The following CRB1 variants were observed in gnomAD, a reference collection of about 807,000 sequenced individuals.
The protein encoded by CRB1 is crumbs cell polarity complex component 1.
A neutral mutation model predicts 120.0 loss-of-function variants in CRB1; 83 were observed. The observed-to-expected ratio is 0.69, with a 90% CI of 0.58 to 0.83. CRB1 has a LOEUF of 0.83. Ranked by LOEUF, CRB1 falls within the 40% of genes least tolerant of loss-of-function variation. The probability of loss-of-function intolerance (pLI) is 0.00; values close to 1 mark genes in which losing one functional copy is unlikely to be tolerated. For synonymous variants in CRB1, 625 were observed against 612.5 expected (o/e 1.02, Z -0.30); for missense variants, 1,699 against 1,687.6 (o/e 1.01, Z -0.12).
At chr1:197,439,415 G>C (rs1333349040) in intron 10 of CRB1, 3 of 152,150 alleles carry the variant, frequency 2.0e-5, no homozygotes, top group African/African-American at 7.2e-5. Flanking sequence ...AATTCTTATA[G>C]CTCTGTAAAG....
At chr1:197,311,549 C>A (rs1205207158) in intron 1 of CRB1, among the ~76,000 whole-genome samples, 3 of 152,044 alleles carry the variant, frequency 2.0e-5, no homozygotes, top group Admixed American at 2.0e-4. Context: ...GTTGCAACTA[C>A]TTTATTTTTT....
At chr1:197,257,654 A>G in the CRB1 span, among the ~76,000 whole-genome samples, 1 of 152,194 alleles carries the variant, frequency 6.6e-6, no homozygotes. Context: ...CCACTGTCTG[A>G]ATTCAACCCC....
chr1:197,264,836 G>C (rs1021049205), upstream of CRB1, among the ~76,000 whole-genome samples: 4 of 151,328 alleles, frequency 2.6e-5, no homozygotes, highest in Admixed American at 2.0e-4. Flanking sequence ...TGTTGGCCAG[G>C]ATGGTCTCAA....
intron 5 of CRB1, among the ~76,000 whole-genome samples, chr1:197,397,216 GAT>G (rs992385795): frequency 5.3e-5 from 8 of 152,074 alleles, no homozygotes; most frequent in African/African-American, 1.9e-4. Context: ...AACCACATGA[GAT>G]ATCACTATGC....
chr1:197,344,353 C>T lies in CRB1; in HGVS notation c.725C>T (p.Ala242Val). The T allele has an allele frequency of 6.2e-7, 1 of 1,614,104 alleles. No homozygotes were observed. Among genetic ancestry groups the T allele is most frequent in the Middle Eastern group, 1.6e-4 (1 of 6,062 alleles). The change falls in exon 3 of 12, where the codon GCT becomes GTT. Residue 242 changes from alanine (A) to valine (V), a missense_variant. By Grantham distance (64) the Ala-to-Val change is moderately conservative. Coordinates refer to ENST00000367400, the MANE Select transcript of CRB1 (RefSeq NM_201253.3). ...TTAAATGGTGCAACTTGTCAGGATG[C>T]TCTGGGGGCCTATTTCTGCGACTGT... is the stretch of plus-strand genomic sequence containing the variant. Reference protein sequence around the residue: ...PCLNGATCQDALGAYFCDCAP... With the variant: ...PCLNGATCQDVLGAYFCDCAP...
intron 5 of CRB1, among the ~76,000 whole-genome samples, chr1:197,376,329 C>T (rs1020720667): frequency 1.5e-4 from 23 of 152,138 alleles, no homozygotes; most frequent in African/African-American, 5.5e-4. Flanking sequence ...GATTTTCAAA[C>T]ATAACATAAC....
chr1:197,444,312 A>G (rs918922551), intron 11 of CRB1: 1 of 152,178 alleles, frequency 6.6e-6, no homozygotes, highest in African/African-American at 2.4e-5. Context: ...GGGAGCAACT[A>G]ATTGTGAAGA....
intron 5 of CRB1, among the ~76,000 whole-genome samples, chr1:197,401,036 G>A (rs1357023119): frequency 6.6e-6 from 1 of 151,522 alleles, no homozygotes; most frequent in African/African-American, 2.4e-5. Context: ...TTTTGTATCC[G>A]AATAAATTGC....
chr1:197,215,497 G>A, the CRB1 span, among the ~76,000 whole-genome samples: 958 of 152,022 alleles, frequency 6.3e-3, 14 homozygotes, highest in African/African-American at 0.022. Context: ...GGCTGGTCTC[G>A]AACTCCCAAC....
chr1:197,329,057 G>C (rs562121880), intron 2 of CRB1, 54 bp downstream of exon 2: 2 of 1,459,964 alleles, frequency 1.4e-6, no homozygotes, highest in Non-Finnish European at 1.9e-6. Context: ...TTTCTAAGTG[G>C]CAGAAGCAGA....
At chr1:197,201,740 C>T in the CRB1 span, among the ~76,000 whole-genome samples, 3 of 152,206 alleles carry the variant, frequency 2.0e-5, no homozygotes, top group Admixed American at 6.5e-5. Flanking sequence ...TGCCAGAAGC[C>T]AGTCCCAGCT....
intron 5 of CRB1, among the ~76,000 whole-genome samples, chr1:197,397,135 A>G (rs1048168095): frequency 6.6e-6 from 1 of 152,172 alleles, no homozygotes; most frequent in Non-Finnish European, 1.5e-5. Context: ...AAATTTAAAT[A>G]AATACTTCAT....
Position 197,421,880 on chromosome 1 carries a change from A to G in CRB1, c.2052A>G (p.Arg684=), listed in dbSNP as rs1220603723. The change falls in exon 6 of 12, where the codon AGA becomes AGG. Residue 684 remains arginine (R), a synonymous_variant. Transcript: ENST00000367400. ...DWCESQPCQS[R]GRCINLWLSY... is the part of the protein sequence containing the mutation. ...GTGAAAGCCAACCTTGTCAAAGCAGAGGACGCTGCATCAACTTGTGGCTGA... is the reference window on the plus strand; with the variant it reads ...GTGAAAGCCAACCTTGTCAAAGCAGGGGACGCTGCATCAACTTGTGGCTGA... 4.3e-6 allele frequency: 7 copies of G among 1,614,118 alleles called. No individual in the cohort carries two copies. The highest frequency in any genetic ancestry group is 4.2e-6 in the Non-Finnish European group (5 of 1,180,054).
chr1:197,372,754 G>T (rs1478769254), intron 5 of CRB1, among the ~76,000 whole-genome samples: 1 of 151,900 alleles, frequency 6.6e-6, no homozygotes, highest in East Asian at 1.9e-4. Context: ...AAAGTTGTGG[G>T]ACCTATCTCT....
chr1:197,282,988 T>A (rs978951865), intron 1 of CRB1, among the ~76,000 whole-genome samples: 1 of 151,844 alleles, frequency 6.6e-6, no homozygotes, highest in African/African-American at 2.4e-5. Context: ...GTACATTTTT[T>A]AATATAGGTG....
At chr1:197,326,399 G>A (rs953587734) in intron 1 of CRB1, among the ~76,000 whole-genome samples, 10 of 152,162 alleles carry the variant, frequency 6.6e-5, no homozygotes, top group East Asian at 3.9e-4. Flanking sequence ...TGGCTGAGGC[G>A]GGCAGATTGC....
chr1:197,306,246 A>G (rs148670468), intron 1 of CRB1, among the ~76,000 whole-genome samples: 2 of 152,272 alleles, frequency 1.3e-5, no homozygotes, highest in African/African-American at 4.8e-5. Context: ...TCCAAAATGT[A>G]GGAGAATGGG....
intron 2 of CRB1, 98 bp from the exon 3 acceptor site, chr1:197,344,183 T>C (rs1659631836): frequency 6.8e-6 from 8 of 1,172,428 alleles, no homozygotes; most frequent in Non-Finnish European, 1.0e-5. Context: ...ACAGAACATT[T>C]GACAAGTGCT....
intron 6 of CRB1, among the ~76,000 whole-genome samples, chr1:197,425,485 G>A (rs906239730): frequency 3.3e-5 from 5 of 152,268 alleles, no homozygotes; most frequent in Admixed American, 1.3e-4. Flanking sequence ...ATTTAGACAT[G>A]CTGAAATATG....
Sources: allele counts gnomAD v4.1 joint callset (sites outside exome capture counted in the v4.1 genomes callset), GRCh38; gene constraint gnomAD v4.1.1; transcripts MANE v1.5; gene names NCBI Gene and HGNC (gene_info 2026-07-23, HGNC 2026-07-21).